The following IGBP1C variants were observed in gnomAD, a reference collection of about 807,000 sequenced individuals.
The protein encoded by IGBP1C is IGBP1 family member C.
the IGBP1C span, among the ~76,000 whole-genome samples, chr17:58,669,188 C>G: frequency 6.6e-6 from 1 of 152,010 alleles, no homozygotes; most frequent in African/African-American, 2.4e-5. Context: ...CCCATCTCTA[C>G]TAAAAATACA....
chr17:58,671,976 C>A, the IGBP1C span, among the ~76,000 whole-genome samples: 1 of 152,066 alleles, frequency 6.6e-6, no homozygotes, highest in Non-Finnish European at 1.5e-5. Flanking sequence ...GCACCAGGGA[C>A]CAGTTTCATG....
chr17:58,661,109 T>A, the IGBP1C span: 2 of 926,790 alleles, frequency 2.2e-6, no homozygotes, highest in Non-Finnish European at 3.6e-6. Flanking sequence ...CTTCTGCTTG[T>A]ATCGCTCTAT....
At chr17:58,691,579 C>T in the IGBP1C span, among the ~76,000 whole-genome samples, 1 of 150,510 alleles carries the variant, frequency 6.6e-6, no homozygotes, top group African/African-American at 2.4e-5. Flanking sequence ...AGGCAGGAGA[C>T]TCACTTGAAC....
chr17:58,660,430 T>C, the IGBP1C span: 78 of 451,786 alleles, frequency 1.7e-4, no homozygotes, highest in Admixed American at 1.8e-3. Flanking sequence ...ATAATAATAA[T>C]TTAACACTTT....
chr17:58,688,385 G>C, the IGBP1C span, among the ~76,000 whole-genome samples: 1 of 152,144 alleles, frequency 6.6e-6, no homozygotes, highest in East Asian at 1.9e-4. Flanking sequence ...CTCCTAAAGT[G>C]ATGGGATTAC....
the IGBP1C span, chr17:58,679,446 C>T: frequency 2.0e-5 from 3 of 151,710 alleles, no homozygotes; most frequent in Non-Finnish European, 4.4e-5. Flanking sequence ...CTCGCTATTC[C>T]AAAACAGGAG....
chr17:58,670,078 T>C, the IGBP1C span, among the ~76,000 whole-genome samples: 1 of 152,206 alleles, frequency 6.6e-6, no homozygotes, highest in South Asian at 2.1e-4. Context: ...TTGCTTAAAA[T>C]GTTTTTACCC....
At chr17:58,686,735 G>C in the IGBP1C span, among the ~76,000 whole-genome samples, 6 of 151,982 alleles carry the variant, frequency 3.9e-5, no homozygotes, top group Admixed American at 3.9e-4. Context: ...TATGTCTGAG[G>C]CCTTAAAGAA....
the IGBP1C span, among the ~76,000 whole-genome samples, chr17:58,669,900 T>C: frequency 9.2e-5 from 14 of 152,218 alleles, no homozygotes; most frequent in African/African-American, 1.7e-4. Context: ...TACTCCTTAC[T>C]GCCCTCTGGA....
the IGBP1C span, among the ~76,000 whole-genome samples, chr17:58,686,421 G>A: frequency 6.6e-5 from 10 of 152,136 alleles, no homozygotes; most frequent in Non-Finnish European, 1.3e-4. Context: ...TCTGGGAATG[G>A]GGTGAAGGTA....
At chr17:58,670,268 C>T in the IGBP1C span, among the ~76,000 whole-genome samples, 1 of 152,242 alleles carries the variant, frequency 6.6e-6, no homozygotes, top group South Asian at 2.1e-4. Context: ...GAGTTTTCAT[C>T]TGTCACTGCT....
chr17:58,689,515 G>C, the IGBP1C span, among the ~76,000 whole-genome samples: 2 of 152,058 alleles, frequency 1.3e-5, no homozygotes, highest in Non-Finnish European at 2.9e-5. Flanking sequence ...CACCGTGCCC[G>C]GCCTACCCCA....
the IGBP1C span, among the ~76,000 whole-genome samples, chr17:58,664,814 A>T: frequency 6.6e-6 from 1 of 152,146 alleles, no homozygotes; most frequent in Non-Finnish European, 1.5e-5. Context: ...TCCACCTAAA[A>T]ATTCATTTTT....
the IGBP1C span, chr17:58,660,937 T>G: frequency 6.0e-6 from 6 of 999,962 alleles, no homozygotes; most frequent in Middle Eastern, 2.1e-4. Flanking sequence ...AGTCTTTCTC[T>G]CCCAGGATCT....
the IGBP1C span, chr17:58,675,390 G>T: frequency 1.3e-5 from 2 of 154,766 alleles, no homozygotes; most frequent in South Asian, 3.5e-4. Context: ...GCAGAACAAA[G>T]AGAATGCTGG....
chr17:58,691,327 T>C, the IGBP1C span, among the ~76,000 whole-genome samples: 1 of 152,116 alleles, frequency 6.6e-6, no homozygotes, highest in Admixed American at 6.6e-5. Flanking sequence ...TGATTTGCAA[T>C]ATTTAGAAAG....
chr17:58,666,093 C>G, the IGBP1C span, among the ~76,000 whole-genome samples: 1 of 151,396 alleles, frequency 6.6e-6, no homozygotes, highest in African/African-American at 2.4e-5. Context: ...CCTGTAATTC[C>G]AGCATTTTAG....
chr17:58,688,502 T>C, the IGBP1C span, among the ~76,000 whole-genome samples: 1 of 152,208 alleles, frequency 6.6e-6, no homozygotes, highest in Admixed American at 6.5e-5. Flanking sequence ...TCCAACTGAA[T>C]ATGCGCATTA....
At chr17:58,662,998 C>A in the IGBP1C span, among the ~76,000 whole-genome samples, 1 of 151,728 alleles carries the variant, frequency 6.6e-6, no homozygotes, top group Non-Finnish European at 1.5e-5. Flanking sequence ...GTCCCAGCCA[C>A]TCGGAGAGGC....
Sources: allele counts gnomAD v4.1 joint callset (sites outside exome capture counted in the v4.1 genomes callset), GRCh38; gene constraint gnomAD v4.1.1; transcripts MANE v1.5; gene names NCBI Gene and HGNC (gene_info 2026-07-23, HGNC 2026-07-21).